UTP18: variants seen among roughly 807,000 people sequenced by gnomAD.
The protein encoded by UTP18 is UTP18 small subunit processome component, also known as U3 small nucleolar RNA-associated protein 18 homolog.
Under a neutral mutation model 61.1 loss-of-function variants are expected in UTP18, and 36 were observed. The observed-to-expected ratio is 0.59, with a 90% confidence interval of 0.45 to 0.78. The LOEUF is 0.78. Among genes scored for constraint, UTP18 ranks in the 30% least tolerant of loss-of-function variants. The pLI is 0.00. For missense variants in UTP18, 753 were observed against 693.9 expected (o/e 1.09, Z -0.96); for synonymous variants, 282 against 251.1 (o/e 1.12, Z -1.16).
At chr17:51,268,799 G>T (rs772467032) in intron 3 of UTP18, 38 bp from the exon 4 acceptor site, 2 of 1,553,760 alleles carry the variant, frequency 1.3e-6, no homozygotes, top group Non-Finnish European at 8.9e-7. Context: ...GACATGTAGT[G>T]GTTGCCATAA....
intron 11 of UTP18, among the ~76,000 whole-genome samples, chr17:51,292,120 T>C (rs147365497): frequency 5.9e-5 from 9 of 152,352 alleles, no homozygotes; most frequent in African/African-American, 2.2e-4. Context: ...CCAAATTAAA[T>C]GTAAATAAAT....
At chr17:51,291,877 G>C (rs568724707) in intron 11 of UTP18, among the ~76,000 whole-genome samples, 45 of 152,196 alleles carry the variant, frequency 3.0e-4, no homozygotes, top group Non-Finnish European at 6.0e-4. Context: ...GTGAATGCCT[G>C]AGGCCTAGTT....
At chr17:51,273,819 A>G (rs940802888) in intron 5 of UTP18, among the ~76,000 whole-genome samples, 2 of 152,006 alleles carry the variant, frequency 1.3e-5, no homozygotes, top group African/African-American at 4.8e-5. Flanking sequence ...CTTCATTTTC[A>G]TTGGCATCAG....
At chr17:51,264,250 T>C (rs2055537273) in intron 2 of UTP18, among the ~76,000 whole-genome samples, 1 of 152,078 alleles carries the variant, frequency 6.6e-6, no homozygotes, top group South Asian at 2.1e-4. Context: ...TTTTGCTACG[T>C]TGGCCAGGCT....
At chr17:51,275,715 T>G in intron 5 of UTP18, 151 bp from the exon 6 acceptor site, 2 of 819,554 alleles carry the variant, frequency 2.4e-6, no homozygotes, top group Non-Finnish European at 1.7e-6. Flanking sequence ...GGTTTTTTTG[T>G]TTTTTGTTTT....
At chr17:51,293,096 A>G (rs1346406074) in intron 11 of UTP18, among the ~76,000 whole-genome samples, 1 of 152,208 alleles carries the variant, frequency 6.6e-6, no homozygotes, top group African/African-American at 2.4e-5. Flanking sequence ...ATGAACCTTC[A>G]TGTTTAAAAT....
intron 5 of UTP18, 126 bp from the exon 6 acceptor site, chr17:51,275,740 T>G: frequency 2.2e-6 from 2 of 896,196 alleles, no homozygotes; most frequent in Non-Finnish European, 1.5e-6. Context: ...TTTTGAGTTG[T>G]GTTTGGTTAC....
chr17:51,266,052 G>C (rs1306882863), intron 2 of UTP18, 130 bp from the exon 3 acceptor site: 2 of 610,258 alleles, frequency 3.3e-6, no homozygotes, highest in African/African-American at 1.9e-5. Context: ...AGATGCATTT[G>C]AAATGTTCAC....
intron 6 of UTP18, 59 bp downstream of exon 6, chr17:51,276,050 C>A: frequency 2.0e-6 from 3 of 1,513,096 alleles, no homozygotes; most frequent in Non-Finnish European, 2.7e-6. Flanking sequence ...AAGGACCAGA[C>A]ATTTGCAACC....
intron 9 of UTP18, among the ~76,000 whole-genome samples, chr17:51,282,274 A>G (rs1904957061): frequency 6.6e-6 from 1 of 152,242 alleles, no homozygotes; most frequent in Admixed American, 6.5e-5. Context: ...AATAGCATTA[A>G]TTAAAATTAT....
intron 4 of UTP18, among the ~76,000 whole-genome samples, chr17:51,271,523 A>G (rs961234929): frequency 6.6e-6 from 1 of 152,026 alleles, no homozygotes; most frequent in African/African-American, 2.4e-5. Context: ...TATGTTGCCC[A>G]CATTGGTATT....
At position 51,260,631 on chromosome 17, in the gene UTP18, G is replaced by A. The variant is rs775140475; in HGVS notation, c.47G>A (p.Gly16Glu). 13 of 1,612,546 alleles carry A rather than the reference G, an allele frequency of 8.1e-6. No homozygotes were observed. The African/African-American group carries it at 1.2e-4, about 15-fold the overall frequency. The stretch of plus-strand genomic sequence containing the variant: ...CGAATGAAACTGGACCGGAGAACCG[G>A]AGCGAAGCCGAAGCGGAAGCCCGGA... ...RRRMKLDRRTGAKPKRKPGMR... is the reference protein window; with the variant it reads ...RRRMKLDRRTEAKPKRKPGMR... The change falls in exon 1 of 14, where the codon GGA becomes GAA. Residue 16 changes from glycine (G) to glutamate (E), a missense_variant. By Grantham distance (98) the Gly-to-Glu change is moderately conservative (BLOSUM62 -2). Coordinates refer to ENST00000225298, the MANE Select transcript of UTP18 (RefSeq NM_016001.3).
rs201887137 is a variant in UTP18, at chr17:51,273,388, T to C, written c.649T>C (p.Leu217=). ...TGAAAGTGAAGAGGATGAAGATGAT[T>C]TGTTGCAAAGGACTGGGAATTTCAT... ...DDESEEDEDD[L]LQRTGNFIST... is the part of the protein sequence containing the mutation. Residue 217 remains leucine, a synonymous_variant, in exon 5 of 14, where the codon TTG becomes CTG. Coordinates refer to ENST00000225298, the MANE Select transcript of UTP18 (RefSeq NM_016001.3). 1.2e-6 allele frequency: 2 copies of C among 1,610,684 alleles called. No individual in the cohort carries two copies. The highest frequency in any genetic ancestry group is 2.7e-5 in the African/African-American group (2 of 74,904).
intron 2 of UTP18, among the ~76,000 whole-genome samples, chr17:51,263,796 G>A (rs1395184267): frequency 6.6e-6 from 1 of 152,164 alleles, no homozygotes; most frequent in Non-Finnish European, 1.5e-5. Context: ...TTAGCACAGT[G>A]CCTGAAACTG....
rs573633694 is a variant in UTP18 at position 51,275,465 on chromosome 17, T to C, written c.712-401T>C. Among the ~76,000 whole-genome samples, 15 of 152,306 alleles carry C rather than the reference T, an allele frequency of 9.8e-5. 1 individual carries two copies. In the South Asian group the frequency reaches 3.1e-3, roughly 32 times the overall value. Reference sequence around the variant, plus strand: ...GTGCCTCTTGCATTTGTGCCATGAATGCAAAGATGCCAGGTGCCAAAGTAG... The same window carrying C: ...GTGCCTCTTGCATTTGTGCCATGAACGCAAAGATGCCAGGTGCCAAAGTAG... On this transcript the variant is annotated intron_variant, in intron 5 of 13. Transcript: ENST00000225298.
intron 4 of UTP18, among the ~76,000 whole-genome samples, chr17:51,270,750 T>C (rs1904502002): frequency 1.3e-5 from 2 of 152,192 alleles, no homozygotes; most frequent in African/African-American, 4.8e-5. Flanking sequence ...TTTTGTTGGC[T>C]GGAACTCAGT....
Position 51,260,755 on chromosome 17 carries a change from G to GGCCGCTGCGATT in UTP18, c.174_185dup (p.Ala59_Ala62dup), listed in dbSNP as rs1568259740. 1 of 1,582,008 alleles carries GGCCGCTGCGATT rather than the reference G, an allele frequency of 6.3e-7. No homozygotes were observed. The highest frequency in any genetic ancestry group is 2.3e-5 in the East Asian group (1 of 43,506). ...AACCGCCGGCCCGGCCGAGCGCGGCGGCCGCTGCGATTGCAGTCGCGGCGG... is the reference window on the plus strand; with the variant it reads ...AACCGCCGGCCCGGCCGAGCGCGGCGGCCGCTGCGATTGCCGCTGCGATTGCAGTCGCGGCGG... On this transcript the variant is annotated inframe_insertion, in exon 1 of 14. Coordinates refer to ENST00000225298, the MANE Select transcript of UTP18 (RefSeq NM_016001.3).
At chr17:51,274,750 G>A (rs1166228080) in intron 5 of UTP18, among the ~76,000 whole-genome samples, 2 of 151,500 alleles carry the variant, frequency 1.3e-5, no homozygotes, top group Non-Finnish European at 2.9e-5. Flanking sequence ...CGCGCCCAGC[G>A]ACATAGGTCT....
intron 10 of UTP18, among the ~76,000 whole-genome samples, chr17:51,287,526 A>G (rs1049205588): frequency 5.3e-5 from 8 of 152,184 alleles, no homozygotes; most frequent in African/African-American, 9.7e-5. Flanking sequence ...GGCCTGTGCA[A>G]CCAGAGGAGT....
Sources: allele counts gnomAD v4.1 joint callset (sites outside exome capture counted in the v4.1 genomes callset), GRCh38; gene constraint gnomAD v4.1.1; transcripts MANE v1.5; gene names NCBI Gene and HGNC (gene_info 2026-07-23, HGNC 2026-07-21).